Variants in CAP2 observed in about 807,000 individuals in gnomAD.
The protein encoded by CAP2 is cyclase associated actin cytoskeleton regulatory protein 2, also known as adenylyl cyclase-associated protein 2.
Under a neutral mutation model 57.7 loss-of-function variants are expected in CAP2, and 24 were observed. That is an observed-to-expected ratio of 0.42 (90% CI 0.30 to 0.58). The LOEUF (loss-of-function observed/expected upper bound fraction) is 0.58, where lower values mean the gene tolerates loss of function less well. CAP2 is among the 20% of genes least tolerant of loss of function. CAP2 has a pLI of 0.22. For synonymous variants in CAP2, 194 were observed against 207.2 expected (o/e 0.94, Z 0.55); for missense variants, 501 against 590.3 (o/e 0.85, Z 1.57).
rs4052821 is a variant in CAP2 at position 17,500,340 on chromosome 6, AATATATAT to A, written c.301-6792_301-6785del. 9.9e-3 allele frequency among the ~76,000 whole-genome samples: 326 copies of A among 33,074 alleles called. 8 individuals carry two copies. Among genetic ancestry groups the A allele is most frequent in the South Asian group, 0.045 (32 of 714 alleles). 21.7% of individuals were successfully genotyped at this position (33,074 alleles called of 152,430 possible). ...GTCCAAATATATATGTGTGTGTCCA[AATATATAT>A]ATATATATATATATATATATATATA... On this transcript the variant is annotated intron_variant, in intron 4 of 12. Coordinates refer to ENST00000229922, the MANE Select transcript of CAP2 (RefSeq NM_006366.3).
intron 7 of CAP2, among the ~76,000 whole-genome samples, chr6:17,529,464 A>C (rs1581598471): frequency 6.6e-6 from 1 of 151,880 alleles, no homozygotes; most frequent in South Asian, 2.1e-4. Context: ...ACATGGTAAA[A>C]CCCCATCTCT....
chr6:17,505,421 A>G (rs1761954039), intron 4 of CAP2, among the ~76,000 whole-genome samples: 2 of 152,180 alleles, frequency 1.3e-5, no homozygotes, highest in South Asian at 4.1e-4. Context: ...GCAATGATTG[A>G]AATCACCTGG....
intron 7 of CAP2, among the ~76,000 whole-genome samples, chr6:17,525,431 T>G (rs1358796582): frequency 2.7e-5 from 4 of 150,740 alleles, no homozygotes; most frequent in Non-Finnish European, 5.9e-5. Flanking sequence ...ACTGCACTCC[T>G]GCACTCCAGC....
chr6:17,521,911 C>T (rs1429896429), intron 7 of CAP2, among the ~76,000 whole-genome samples: 1 of 152,042 alleles, frequency 6.6e-6, no homozygotes, highest in East Asian at 1.9e-4. Flanking sequence ...GAGTTCGAGA[C>T]CAGTGTTGCC....
intron 1 of CAP2, among the ~76,000 whole-genome samples, chr6:17,401,557 G>A (rs1469988004): frequency 6.6e-6 from 1 of 152,140 alleles, no homozygotes; most frequent in African/African-American, 2.4e-5. Context: ...AAAACCAAAT[G>A]TCTGGCCTAA....
intron 3 of CAP2, among the ~76,000 whole-genome samples, chr6:17,438,744 GT>G (rs1263476267): frequency 7.2e-6 from 1 of 139,482 alleles, no homozygotes; most frequent in Non-Finnish European, 1.5e-5. Context: ...CGGCCCAGAA[GT>G]TTTTTTATGT....
At chr6:17,536,182 G>A (rs1005280558) in intron 7 of CAP2, 66 of 456,406 alleles carry the variant, frequency 1.4e-4, no homozygotes, top group African/African-American at 1.2e-3. Context: ...TCCACTTGTG[G>A]CCAGACATAA....
chr6:17,514,808 A>G (rs772723777), intron 7 of CAP2, among the ~76,000 whole-genome samples: 6 of 152,224 alleles, frequency 3.9e-5, no homozygotes, highest in Non-Finnish European at 7.3e-5. Context: ...TAAGAATGCA[A>G]TGAAACACTC....
At chr6:17,525,551 A>G (rs823430) in intron 7 of CAP2, among the ~76,000 whole-genome samples, 118,000 of 151,938 alleles carry the variant, frequency 0.78, 46,494 homozygotes, top group African/African-American at 0.91. Context: ...TTATCCTTCC[A>G]TCCTCAGCGG....
At chr6:17,481,389 A>T (rs1761282911) in intron 4 of CAP2, among the ~76,000 whole-genome samples, 1 of 152,080 alleles carries the variant, frequency 6.6e-6, no homozygotes, top group Non-Finnish European at 1.5e-5. Context: ...AAACCATTTT[A>T]ACTGCTTCTA....
chr6:17,475,430 T>TAG (rs1761128748), intron 4 of CAP2, among the ~76,000 whole-genome samples: 2 of 152,158 alleles, frequency 1.3e-5, no homozygotes, highest in South Asian at 4.1e-4. Flanking sequence ...ATGGGAAGAT[T>TAG]AGAGAAGAAC....
At chr6:17,434,489 A>G (rs1174213671) in intron 3 of CAP2, among the ~76,000 whole-genome samples, 2 of 152,118 alleles carry the variant, frequency 1.3e-5, no homozygotes, top group African/African-American at 2.4e-5. Flanking sequence ...TCGGCCTCCC[A>G]AAGTGCTGGG....
In CAP2 at chr6:17,425,444, G is replaced by A. The variant is rs1759565800; in HGVS notation, c.122-1146G>A. 8.5e-5 allele frequency among the ~76,000 whole-genome samples: 13 copies of A among 152,174 alleles called. No homozygotes were observed. The South Asian group carries it at 2.7e-3, about 32-fold the overall frequency. On this transcript the variant is annotated intron_variant, in intron 2 of 12. Coordinates refer to ENST00000229922, the MANE Select transcript of CAP2 (RefSeq NM_006366.3). ...CTGGGGAGTGAAGAAGGAAGAAAAT[G>A]AGTGAAATCAGCTTTCTTTTCCTCC...
At chr6:17,507,017 A>G in intron 4 of CAP2, 152 bp from the exon 5 acceptor site, 1 of 752,136 alleles carries the variant, frequency 1.3e-6, no homozygotes, top group Non-Finnish European at 2.3e-6. Context: ...CCAAGAACAA[A>G]TGCATGCTGT....
At chr6:17,494,701 T>C (rs1296341712) in intron 4 of CAP2, among the ~76,000 whole-genome samples, 1 of 152,192 alleles carries the variant, frequency 6.6e-6, no homozygotes, top group Non-Finnish European at 1.5e-5. Flanking sequence ...TAATTTTATG[T>C]GTCGACTTGG....
chr6:17,497,870 AG>A (rs1256220089), intron 4 of CAP2, among the ~76,000 whole-genome samples: 1 of 152,230 alleles, frequency 6.6e-6, no homozygotes, highest in Non-Finnish European at 1.5e-5. Flanking sequence ...GTTAATGTGA[AG>A]GGTTTTCTTG....
intron 9 of CAP2, among the ~76,000 whole-genome samples, chr6:17,541,915 T>C (rs1422087434): frequency 2.6e-5 from 4 of 152,192 alleles, no homozygotes; most frequent in African/African-American, 7.2e-5. Context: ...TAAATTATTT[T>C]GTGAGTGGTG....
At chr6:17,401,430 T>C (rs530296204) in intron 1 of CAP2, among the ~76,000 whole-genome samples, 2 of 152,330 alleles carry the variant, frequency 1.3e-5, no homozygotes, top group Admixed American at 1.3e-4. Context: ...GAAACTAACA[T>C]AGTAACCTGT....
chr6:17,543,863 G>T (rs569295753), intron 11 of CAP2, among the ~76,000 whole-genome samples: 1 of 152,104 alleles, frequency 6.6e-6, no homozygotes, highest in Admixed American at 6.5e-5. Context: ...GGTGGCTCAC[G>T]CCTGTAATCC....
Sources: allele counts gnomAD v4.1 joint callset (sites outside exome capture counted in the v4.1 genomes callset), GRCh38; gene constraint gnomAD v4.1.1; transcripts MANE v1.5; gene names NCBI Gene and HGNC (gene_info 2026-07-23, HGNC 2026-07-21).